Variants in CCDC91 observed in about 807,000 individuals in gnomAD.
CCDC91 encodes coiled-coil domain-containing protein 91.
CCDC91 carries 48 observed loss-of-function variants against 63.2 expected under a neutral mutation model. The ratio of observed to expected loss-of-function variants is 0.76; its 90% CI spans 0.60 to 0.97. CCDC91 has a LOEUF of 0.97. Among genes scored for constraint, CCDC91 ranks in the 50% least tolerant of loss-of-function variants. CCDC91 has a pLI of 0.00. For synonymous variants in CCDC91, 167 were observed against 165.8 expected (o/e 1.01, Z -0.06); for missense variants, 500 against 494.6 (o/e 1.01, Z -0.10).
intron 8 of CCDC91, among the ~76,000 whole-genome samples, chr12:28,431,141 A>G (rs1305907387): frequency 3.3e-5 from 5 of 152,162 alleles, no homozygotes; most frequent in African/African-American, 7.2e-5. Flanking sequence ...TTGAAATGTG[A>G]TAATGTCCTA....
chr12:28,456,588 C>T (rs1950069689), intron 11 of CCDC91, among the ~76,000 whole-genome samples: 2 of 152,186 alleles, frequency 1.3e-5, no homozygotes, highest in East Asian at 1.9e-4. Flanking sequence ...TATCAAATTA[C>T]ACACTTAATA....
chr12:28,377,489 AC>A (rs1196158296), intron 7 of CCDC91, among the ~76,000 whole-genome samples: 1 of 151,876 alleles, frequency 6.6e-6, no homozygotes, highest in African/African-American at 2.4e-5. Context: ...ATAAATTATA[AC>A]TGTACTGATT....
intron 7 of CCDC91, among the ~76,000 whole-genome samples, chr12:28,365,524 A>G (rs1354781135): frequency 1.3e-5 from 2 of 152,234 alleles, no homozygotes; most frequent in African/African-American, 4.8e-5. Context: ...ATTATTAGGT[A>G]TTTCAAAAGG....
intron 8 of CCDC91, among the ~76,000 whole-genome samples, chr12:28,427,251 C>T (rs777591803): frequency 1.6e-4 from 24 of 152,114 alleles, no homozygotes; most frequent in African/African-American, 4.1e-4. Flanking sequence ...AAGGCTAGAG[C>T]GCGCTGGAAT....
chr12:28,484,202 A>G (rs1188630838), intron 12 of CCDC91, 37 bp downstream of exon 12: 6 of 1,156,026 alleles, frequency 5.2e-6, no homozygotes, highest in African/African-American at 3.1e-5. Context: ...TTGTGCTTCA[A>G]TAAACTGAAT....
chr12:28,541,439 G>T (rs1357513228), intron 12 of CCDC91, among the ~76,000 whole-genome samples: 4 of 152,010 alleles, frequency 2.6e-5, no homozygotes, highest in African/African-American at 9.7e-5. Context: ...AGAACTTAAA[G>T]GTCATCTAAC....
At chr12:28,271,537 G>C (rs1372644283) in intron 3 of CCDC91, among the ~76,000 whole-genome samples, 1 of 152,034 alleles carries the variant, frequency 6.6e-6, no homozygotes, top group South Asian at 2.1e-4. Context: ...TAATTTCCAA[G>C]TATGGGGCTT....
rs182469769 is a variant in CCDC91 at position 28,490,947 on chromosome 12, A to G, written c.1215+6782A>G. 7.4e-4 allele frequency among the ~76,000 whole-genome samples: 113 copies of G among 151,936 alleles called. 3 individuals carry two copies. In the East Asian group the frequency reaches 0.021, roughly 28 times the overall value. On this transcript the variant is annotated intron_variant, in intron 12 of 12. Coordinates refer to ENST00000536442, the MANE Select transcript of CCDC91 (RefSeq NM_018318.5). ...TTCCATTTCAACTGTGGTAATTGAGATGATGTTAAAGATAAAGCCCAATGC... is the reference window on the plus strand; with the variant it reads ...TTCCATTTCAACTGTGGTAATTGAGGTGATGTTAAAGATAAAGCCCAATGC...
intron 12 of CCDC91, among the ~76,000 whole-genome samples, chr12:28,546,840 C>T (rs1943024723): frequency 6.6e-6 from 1 of 151,996 alleles, no homozygotes; most frequent in Admixed American, 6.6e-5. Context: ...ATATGTATCA[C>T]AATTTACAAT....
intron 1 of CCDC91, among the ~76,000 whole-genome samples, chr12:28,233,324 A>G (rs1187932047): frequency 6.6e-6 from 1 of 152,116 alleles, no homozygotes; most frequent in Non-Finnish European, 1.5e-5. Context: ...CTTGAACTTC[A>G]TATAGATGAA....
intron 8 of CCDC91, among the ~76,000 whole-genome samples, chr12:28,416,010 A>G (rs1438420589): frequency 6.6e-6 from 1 of 151,354 alleles, no homozygotes; most frequent in Non-Finnish European, 1.5e-5. Context: ...GTCATGAGGT[A>G]ATTTATCATG....
intron 7 of CCDC91, 37 bp downstream of exon 7, chr12:28,362,552 G>T (rs951859700): frequency 7.5e-7 from 1 of 1,333,096 alleles, no homozygotes; most frequent in African/African-American, 1.5e-5. Context: ...TTAAACCTTG[G>T]ATAACTTTAG....
At position 28,358,114 on chromosome 12, in the gene CCDC91, G is replaced by C. The variant is rs531505620; in HGVS notation, c.577-4324G>C. Among the ~76,000 whole-genome samples the C allele has an allele frequency of 3.3e-5, 5 of 152,254 alleles. No individual in the cohort carries two copies. In the East Asian group the frequency reaches 9.6e-4, roughly 29 times the overall value. Reference sequence around the variant, plus strand: ...TACTGTATTATAGGATAGTATTAAGGAAGTTGGAAGTGTATCTTAGAAATA... The same window carrying C: ...TACTGTATTATAGGATAGTATTAAGCAAGTTGGAAGTGTATCTTAGAAATA... On this transcript the variant is annotated intron_variant, in intron 6 of 12. Transcript: ENST00000536442.
At position 28,266,567 on chromosome 12, in the gene CCDC91, A is replaced by G. The variant is rs542826036; in HGVS notation, c.109+7125A>G. 1.0e-3 allele frequency among the ~76,000 whole-genome samples: 157 copies of G among 152,110 alleles called. 1 individual carries two copies. The highest frequency in any genetic ancestry group is 3.4e-3 in the African/African-American group (141 of 41,544). Reference sequence around the variant, plus strand: ...AACACAAATATTAATGTGAAGAACTATAATTCTTAAGAGAAACCTTGTCTT... The same window carrying G: ...AACACAAATATTAATGTGAAGAACTGTAATTCTTAAGAGAAACCTTGTCTT... On this transcript the variant is annotated intron_variant, in intron 3 of 12. Coordinates refer to ENST00000536442, the MANE Select transcript of CCDC91 (RefSeq NM_018318.5).
intron 12 of CCDC91, among the ~76,000 whole-genome samples, chr12:28,526,870 T>A (rs1454879680): frequency 1.3e-5 from 2 of 152,024 alleles, no homozygotes; most frequent in Admixed American, 6.6e-5. Flanking sequence ...GCTCTGAAGT[T>A]CTTTCTTCTG....
intron 1 of CCDC91, among the ~76,000 whole-genome samples, chr12:28,207,248 T>G (rs1426789019): frequency 1.3e-5 from 2 of 152,062 alleles, no homozygotes; most frequent in African/African-American, 4.8e-5. Context: ...GCTGTCTTCT[T>G]CTGGGGAGAA....
chr12:28,292,984 G>C (rs1449031413), intron 3 of CCDC91, among the ~76,000 whole-genome samples: 1 of 152,136 alleles, frequency 6.6e-6, no homozygotes, highest in Non-Finnish European at 1.5e-5. Flanking sequence ...TTTGTAATCT[G>C]ACAACTGTCA....
At chr12:28,333,906 C>T (rs903283608) in intron 6 of CCDC91, among the ~76,000 whole-genome samples, 3 of 152,088 alleles carry the variant, frequency 2.0e-5, no homozygotes, top group Non-Finnish European at 2.9e-5. Context: ...TGTTGAAGAT[C>T]TTTTTGTTAA....
At chr12:28,348,244 G>T (rs1942946840) in intron 6 of CCDC91, among the ~76,000 whole-genome samples, 1 of 152,192 alleles carries the variant, frequency 6.6e-6, no homozygotes, top group Non-Finnish European at 1.5e-5. Flanking sequence ...TGCCAGCTAT[G>T]TTTAGGGCCA....
Sources: allele counts gnomAD v4.1 joint callset (sites outside exome capture counted in the v4.1 genomes callset), GRCh38; gene constraint gnomAD v4.1.1; transcripts MANE v1.5; gene names NCBI Gene and HGNC (gene_info 2026-07-23, HGNC 2026-07-21).